MFSD6: variants seen among roughly 807,000 people sequenced by gnomAD.
MFSD6 encodes the protein major facilitator superfamily domain containing 6, also known as major facilitator superfamily domain-containing protein 6.
Under a neutral mutation model 56.3 loss-of-function variants are expected in MFSD6, and 26 were observed. The observed-to-expected ratio is 0.46, with a 90% CI of 0.34 to 0.64. The LOEUF is 0.64. Ranked by LOEUF, MFSD6 falls within the 30% of genes least tolerant of loss-of-function variation. MFSD6 has a pLI of 0.01. For synonymous variants in MFSD6, 331 were observed against 366.9 expected (o/e 0.90, Z 1.12); for missense variants, 750 against 986.2 (o/e 0.76, Z 3.21).
rs1273352860 is a variant in MFSD6 at position 190,500,671 on chromosome 2, T to C, written c.*453T>C. ...AATTCATCTATACTTTCTTTTTTCT[T>C]GGAGAGAACCGTTTAAAAAATTACA... On this transcript the variant is annotated 3_prime_UTR_variant, in exon 8 of 8. Transcript: ENST00000392328. The surrounding 1 kb of genome is among the most constrained non-coding windows in gnomAD (Gnocchi z 5.3). 6.5e-6 allele frequency: 1 copy of C among 154,032 alleles called. No homozygotes were observed. The highest frequency in any genetic ancestry group is 2.4e-5 in the African/African-American group (1 of 41,514). 9.5% of individuals were successfully genotyped at this position (154,032 alleles called of 1,614,324 possible). A position where few individuals can be genotyped will look rare whatever the true frequency, so the allele number is the denominator to read the frequency against.
In MFSD6 at chr2:190,488,716, C is replaced by A. The variant is rs201520851; in HGVS notation, c.1690C>A (p.Pro564Thr). 1 of 1,608,184 alleles carries A rather than the reference C, an allele frequency of 6.2e-7. No individual in the cohort carries two copies. The highest frequency in any genetic ancestry group is 8.5e-7 in the Non-Finnish European group (1 of 1,177,412). ...TTCTTACCTCAGTGCAGCCGTTCCC[C>A]CTGAGCTGAGGACATCTGCTCAGGG... ...CISYLSAAVP[P>T]ELRTSAQGIL... The change falls in exon 5 of 8, where the codon CCT (proline) becomes ACT (threonine). Residue 564 changes from proline to threonine, a missense_variant. Coordinates refer to ENST00000392328, the MANE Select transcript of MFSD6 (RefSeq NM_017694.4). This position sits in a 1 kb window ranked among gnomAD's most constrained non-coding sequence, Gnocchi z 6.4.
At chr2:190,468,420 T>C (rs1004351783) in intron 3 of MFSD6, among the ~76,000 whole-genome samples, 2 of 151,916 alleles carry the variant, frequency 1.3e-5, no homozygotes, top group Admixed American at 6.6e-5. Flanking sequence ...TGATTCAGTG[T>C]TGGGAAAAAG....
At chr2:190,430,681 C>T (rs1190885078) in intron 2 of MFSD6, among the ~76,000 whole-genome samples, 5 of 151,714 alleles carry the variant, frequency 3.3e-5, no homozygotes, top group South Asian at 2.1e-4. Flanking sequence ...TCCACAAAAC[C>T]GCCATTGTCA....
Position 190,482,868 on chromosome 2 carries a change from CTTTTTTTTTTTTTTTTTTTT to C in MFSD6, c.1631-5773_1631-5754del, listed in dbSNP as rs199927176. Among the ~76,000 whole-genome samples, 26 of 48,294 alleles carry C rather than the reference CTTTTTTTTTTTTTTTTTTTT, an allele frequency of 5.4e-4. 1 individual carries two copies. Among genetic ancestry groups the C allele is most frequent in the East Asian group, 7.0e-4 (1 of 1,436 alleles). 31.7% of individuals were successfully genotyped at this position (48,294 alleles called of 152,430 possible). A position where few individuals can be genotyped will look rare whatever the true frequency, so the allele number is the denominator to read the frequency against. On this transcript the variant is annotated intron_variant, in intron 4 of 7. Transcript: ENST00000392328. ...GGAGAAGAGTTATTAAGACTATCAT[CTTTTTTTTTTTTTTTTTTTT>C]TTTTTTTTTTTTTTTAGACGGAGTC...
At position 190,477,451 on chromosome 2, in the gene MFSD6, TAAA is replaced by T. The variant is rs1465876588; in HGVS notation, c.1630+7598_1630+7600del. ...ATATAACTTTTTTATCCTTTTAGTT[TAAA>T]ATGAGTTAGGTGGAAAAGGACGGTT... On this transcript the variant is annotated intron_variant, in intron 4 of 7. Transcript: ENST00000392328. The T allele has an allele frequency of 7.6e-6, 6 of 788,106 alleles. No homozygotes were observed. The East Asian group carries it at 3.8e-4, about 50-fold the overall frequency. 48.8% of individuals were successfully genotyped at this position (788,106 alleles called of 1,614,324 possible). A position where few individuals can be genotyped will look rare whatever the true frequency, so the allele number is the denominator to read the frequency against.
rs1687331104 is a variant in MFSD6 at position 190,461,577 on chromosome 2, G to C, written c.1533-8181G>C. Among the ~76,000 whole-genome samples the C allele has an allele frequency of 6.6e-6, 1 of 152,184 alleles. No individual in the cohort carries two copies. The highest frequency in any genetic ancestry group is 1.5e-5 in the Non-Finnish European group (1 of 68,034). ...GAAGTGCAAGATCAAAGTGTTGGCA[G>C]GTTCGGTGACTGGTAAAGGCCTCGT... On this transcript the variant is annotated intron_variant, in intron 3 of 7. Transcript: ENST00000392328. This position sits in a 1 kb window ranked among gnomAD's most constrained non-coding sequence, Gnocchi z 5.5.
chr2:190,500,288 C>A lies in MFSD6; in HGVS notation c.*70C>A. ...AGCCAGGACACAGGGTGAGGCCCCCCAGCCAGGATATGCCTCCCCTGGAGG... is the reference window on the plus strand; with the variant it reads ...AGCCAGGACACAGGGTGAGGCCCCCAAGCCAGGATATGCCTCCCCTGGAGG... On this transcript the variant is annotated 3_prime_UTR_variant, in exon 8 of 8. Transcript: ENST00000392328. The surrounding 1 kb of genome is among the most constrained non-coding windows in gnomAD (Gnocchi z 5.3). The A allele has an allele frequency of 6.5e-7, 1 of 1,545,420 alleles. No homozygotes were observed. Among genetic ancestry groups the A allele is most frequent in the Non-Finnish European group, 8.9e-7 (1 of 1,125,994 alleles).
rs1685788199 is a variant in MFSD6, at chr2:190,426,470, T to C, written c.-53-9507T>C. Among the ~76,000 whole-genome samples the C allele has an allele frequency of 6.6e-6, 1 of 152,252 alleles. No individual in the cohort carries two copies. The highest frequency in any genetic ancestry group is 1.5e-5 in the Non-Finnish European group (1 of 68,044). ...TTATAATTGCCTATCTAAGCATTTTTAGGATGGCTTTTTAAAAATATTTTA... is the reference window on the plus strand; with the variant it reads ...TTATAATTGCCTATCTAAGCATTTTCAGGATGGCTTTTTAAAAATATTTTA... On this transcript the variant is annotated intron_variant, in intron 2 of 7. Coordinates refer to ENST00000392328, the MANE Select transcript of MFSD6 (RefSeq NM_017694.4). This position sits in a 1 kb window ranked among gnomAD's most constrained non-coding sequence, Gnocchi z 4.7.
Position 190,437,091 on chromosome 2 carries a change from C to T in MFSD6, c.1062C>T (p.Leu354=), listed in dbSNP as rs955965981. 3.7e-6 allele frequency: 6 copies of T among 1,614,112 alleles called. No individual in the cohort carries two copies. In the African/African-American group the frequency reaches 6.7e-5, roughly 18 times the overall value. The change falls in exon 3 of 8, where the codon CTC becomes CTT. Residue 354 remains leucine, a synonymous_variant. Transcript: ENST00000392328. The surrounding 1 kb of genome is among the most constrained non-coding windows in gnomAD (Gnocchi z 5.9). ...IGIDYTHIEV[L]IDGKGCKPPE... ...TCGACTACACCCACATCGAAGTGCT[C>T]ATCGATGGAAAGGGGTGTAAGCCCC...
In MFSD6 at chr2:190,489,874, T is replaced by C. The variant is rs371873742; in HGVS notation, c.1891+8T>C. ...TGCCAGATGAGGAAGAAGGTAATTA[T>C]TTCCATTCTTTCTTAATATTCCTAA... On this transcript the variant is annotated splice_region_variant and intron_variant, in intron 6 of 7. Coordinates refer to ENST00000392328, the MANE Select transcript of MFSD6 (RefSeq NM_017694.4). This position sits in a 1 kb window ranked among gnomAD's most constrained non-coding sequence, Gnocchi z 6.6. The C allele has an allele frequency of 9.9e-6, 16 of 1,610,270 alleles. No homozygotes were observed. The African/African-American group carries it at 1.2e-4, about 12-fold the overall frequency.
In MFSD6 at chr2:190,437,250, G is replaced by A; in HGVS notation, c.1221G>A (p.Glu407=). 1 of 1,614,202 alleles carries A rather than the reference G, an allele frequency of 6.2e-7. No individual in the cohort carries two copies. The highest frequency in any genetic ancestry group is 1.1e-5 in the South Asian group (1 of 91,080). The change falls in exon 3 of 8, where the codon GAG becomes GAA. Residue 407 remains glutamate (E), a synonymous_variant. Transcript: ENST00000392328. The surrounding 1 kb of genome is among the most constrained non-coding windows in gnomAD (Gnocchi z 5.9). ...KNDDSKGKEV[E]IPQVERNNST... is the part of the protein sequence containing the mutation. Reference sequence around the variant, plus strand: ...ATGATTCTAAAGGGAAAGAGGTGGAGATCCCGCAGGTGGAAAGGAACAACT... The same window carrying A: ...ATGATTCTAAAGGGAAAGAGGTGGAAATCCCGCAGGTGGAAAGGAACAACT...
rs1421967969 is a variant in MFSD6 at position 190,423,334 on chromosome 2, A to G, written c.-54+7921A>G. Among the ~76,000 whole-genome samples, 1 of 152,126 alleles carries G rather than the reference A, an allele frequency of 6.6e-6. No homozygotes were observed. The highest frequency in any genetic ancestry group is 1.5e-5 in the Non-Finnish European group (1 of 68,008). ...TCCTGGCAATCACCTGTCTATCTCT[A>G]TTTCAATGATGTTGTCATTTCAAGA... On this transcript the variant is annotated intron_variant, in intron 2 of 7. Transcript: ENST00000392328. The surrounding 1 kb of genome is among the most constrained non-coding windows in gnomAD (Gnocchi z 4.3).
At chr2:190,464,493 T>C (rs1387528198) in intron 3 of MFSD6, among the ~76,000 whole-genome samples, 1 of 152,186 alleles carries the variant, frequency 6.6e-6, no homozygotes, top group African/African-American at 2.4e-5. Context: ...AAAAGTTCAC[T>C]TCTTTCTTCA....
rs1413582285 is a variant in MFSD6 at position 190,458,596 on chromosome 2, T to C, written c.1533-11162T>C. ...AGCTTCACCCCAGTTTTAGATTCCC[T>C]TCCCCCCGAGTGCTTGACAGATGGT... is the stretch of plus-strand genomic sequence containing the variant. On this transcript the variant is annotated intron_variant, in intron 3 of 7. Transcript: ENST00000392328. The surrounding 1 kb of genome is among the most constrained non-coding windows in gnomAD (Gnocchi z 5.3). Among the ~76,000 whole-genome samples, 2 of 152,202 alleles carry C rather than the reference T, an allele frequency of 1.3e-5. No individual in the cohort carries two copies. Among genetic ancestry groups the C allele is most frequent in the African/African-American group, 4.8e-5 (2 of 41,462 alleles).
intron 3 of MFSD6, among the ~76,000 whole-genome samples, chr2:190,441,427 C>A (rs1375345785): frequency 6.6e-6 from 1 of 151,436 alleles, no homozygotes; most frequent in Non-Finnish European, 1.5e-5. Flanking sequence ...AGGTTGAGAA[C>A]CACCAGGCTA....
chr2:190,475,723 T>C (rs1399772935), intron 4 of MFSD6, among the ~76,000 whole-genome samples: 2 of 152,168 alleles, frequency 1.3e-5, no homozygotes. Context: ...TTAAAGTTCA[T>C]ACGGAACCAA....
intron 3 of MFSD6, among the ~76,000 whole-genome samples, chr2:190,466,323 C>G (rs536397850): frequency 5.3e-5 from 8 of 152,138 alleles, no homozygotes; most frequent in Non-Finnish European, 1.0e-4. Flanking sequence ...TTTAAATATC[C>G]TATTCTGATA....
rs1459738076 is a variant in MFSD6, at chr2:190,462,220, C to T, written c.1533-7538C>T. Among the ~76,000 whole-genome samples the T allele has an allele frequency of 6.6e-6, 1 of 152,000 alleles. No individual in the cohort carries two copies. Among genetic ancestry groups the T allele is most frequent in the Non-Finnish European group, 1.5e-5 (1 of 68,008 alleles). On this transcript the variant is annotated intron_variant, in intron 3 of 7. Transcript: ENST00000392328. This position sits in a 1 kb window ranked among gnomAD's most constrained non-coding sequence, Gnocchi z 5.7. ...CAGACATTTTATGGAGAAATGGGAA[C>T]AGAATAACCATTGTTTTAAGAGATT...
rs545896662 is a variant in MFSD6, at chr2:190,484,609, T to C, written c.1631-4048T>C. 4.9e-4 allele frequency among the ~76,000 whole-genome samples: 74 copies of C among 152,270 alleles called. 4 individuals are homozygous for C. In the South Asian group the frequency reaches 0.015, roughly 30 times the overall value. ...TCAGAACACAAATGTAGTAAAAACA[T>C]TGGCAAGAGCTTCAGATTATTAAGA... On this transcript the variant is annotated intron_variant, in intron 4 of 7. Transcript: ENST00000392328.
Sources: gnomAD v4.1 joint callset for allele counts (sites outside exome capture counted in the v4.1 genomes callset) on GRCh38, gnomAD v4.1.1 for gene constraint, Gnocchi (gnomAD v3.1) non-coding constraint, MANE v1.5 for transcripts, NCBI Gene and HGNC (gene_info 2026-07-23, HGNC 2026-07-21) for gene names.